Variants in PEX5L observed in about 807,000 individuals in gnomAD.
PEX5L encodes the protein PEX5-related protein.
PEX5L carries 30 observed loss-of-function variants against 84.0 expected under a neutral mutation model. The observed-to-expected ratio is 0.36, with a 90% CI of 0.27 to 0.48. The LOEUF is 0.48. Among genes scored for constraint, PEX5L ranks in the 20% least tolerant of loss-of-function variants. PEX5L has a pLI of 0.99. For synonymous variants in PEX5L, 270 were observed against 283.1 expected, an observed-to-expected ratio of 0.95 and a Z score of 0.46; for missense variants, 533 against 754.6, an observed-to-expected ratio of 0.71 and a Z score of 3.44.
chr3:179,819,794 T>C, intron 9 of PEX5L, 66 bp downstream of exon 9: 4 of 1,338,968 alleles, frequency 3.0e-6, no homozygotes, highest in Non-Finnish European at 4.3e-6. Flanking sequence ...TATTGACTAA[T>C]CTATAAAATA....
chr3:179,932,034 A>G (rs184330444), intron 2 of PEX5L, among the ~76,000 whole-genome samples: 1 of 152,322 alleles, frequency 6.6e-6, no homozygotes, highest in East Asian at 1.9e-4. Flanking sequence ...TGTTTATCCT[A>G]ATCTTATTTA....
rs1230744236 is a variant in PEX5L at position 179,795,040 on chromosome 3, A to G, written c.*6788T>C. The stretch of plus-strand genomic sequence containing the variant: ...ATATTTTAGTCTTAAAAAATTAACA[A>G]AGGAGGAAGATTTTTAAAGTTTTGT... On this transcript the variant is annotated 3_prime_UTR_variant, in exon 15 of 15. Transcript: ENST00000467460. The G allele has an allele frequency of 6.6e-6, 1 of 152,208 alleles. No individual in the cohort carries two copies. Among genetic ancestry groups the G allele is most frequent in the Non-Finnish European group, 1.5e-5 (1 of 68,020 alleles). The allele number at this position is 152,208 out of a possible 1,614,324, so 9.4% of individuals were successfully genotyped here.
At chr3:179,926,544 T>C (rs1180633588) in intron 2 of PEX5L, among the ~76,000 whole-genome samples, 2 of 152,212 alleles carry the variant, frequency 1.3e-5, no homozygotes, top group African/African-American at 2.4e-5. Context: ...TCATCCAAAA[T>C]AGGCCCTCCT....
intron 1 of PEX5L, among the ~76,000 whole-genome samples, chr3:179,992,565 C>T (rs536448377): frequency 6.6e-6 from 1 of 151,944 alleles, no homozygotes; most frequent in East Asian, 1.9e-4. Context: ...AATTTTATGC[C>T]AGAGCTGGAG....
chr3:180,005,887 A>T (rs1057043584), intron 1 of PEX5L, among the ~76,000 whole-genome samples: 2 of 152,194 alleles, frequency 1.3e-5, no homozygotes, highest in African/African-American at 4.8e-5. Context: ...TTATTTCTCA[A>T]AAAGGTATGC....
At chr3:179,963,444 G>C (rs1232444560) in intron 2 of PEX5L, among the ~76,000 whole-genome samples, 1 of 152,058 alleles carries the variant, frequency 6.6e-6, no homozygotes, top group Non-Finnish European at 1.5e-5. Context: ...ATAACTTAAT[G>C]TCCATTAATT....
chr3:179,813,903 C>G (rs1724981859), intron 10 of PEX5L, among the ~76,000 whole-genome samples: 1 of 151,390 alleles, frequency 6.6e-6, no homozygotes, highest in Non-Finnish European at 1.5e-5. Context: ...GTCTCGATCT[C>G]CTGACCTCAT....
chr3:179,795,246 A>C lies in PEX5L; in HGVS notation c.*6582T>G, dbSNP rs1716471326. 1 of 147,438 alleles carries C rather than the reference A, an allele frequency of 6.8e-6. No individual in the cohort carries two copies. The highest frequency in any genetic ancestry group is 2.6e-5 in the African/African-American group (1 of 38,054). The allele number at this position is 147,438 out of a possible 1,614,324, so 9.1% of individuals were successfully genotyped here. ...ATTCCTGAAAAGACCTCGAAGCCGCAGACAAAGTTTATTTGAAAACATAGT... is the reference window on the plus strand; with the variant it reads ...ATTCCTGAAAAGACCTCGAAGCCGCCGACAAAGTTTATTTGAAAACATAGT... On this transcript the variant is annotated 3_prime_UTR_variant, in exon 15 of 15. Coordinates refer to ENST00000467460, the MANE Select transcript of PEX5L (RefSeq NM_016559.3).
Position 179,803,683 on chromosome 3 carries a change from T to C in PEX5L, c.1677-1651A>G, listed in dbSNP as rs370357537. On this transcript the variant is annotated intron_variant, in intron 14 of 14. Transcript: ENST00000467460. Reference sequence around the variant, plus strand: ...TCTCAAAAACTTTTCATACCCTTGATCTCATTTAATCCTGCAAGGTAGGTA... The same window carrying C: ...TCTCAAAAACTTTTCATACCCTTGACCTCATTTAATCCTGCAAGGTAGGTA... Among the ~76,000 whole-genome samples, 61 of 152,366 alleles carry C rather than the reference T, an allele frequency of 4.0e-4. 1 individual carries two copies. The highest frequency in any genetic ancestry group is 1.4e-3 in the African/African-American group (59 of 41,588).
rs1046656707 is a variant in PEX5L at position 179,847,299 on chromosome 3, G to T, written c.822+11763C>A. Among the ~76,000 whole-genome samples the T allele has an allele frequency of 5.3e-5, 8 of 151,908 alleles. No homozygotes were observed. The East Asian group carries it at 1.2e-3, about 22-fold the overall frequency. ...ATATATAGATATCTGTATATTGATT[G>T]ATATACAGATATTGGTATACAGCTA... On this transcript the variant is annotated intron_variant, in intron 8 of 14. Transcript: ENST00000467460.
chr3:179,896,144 CA>C (rs1759192586), intron 3 of PEX5L: 1 of 152,216 alleles, frequency 6.6e-6, no homozygotes, highest in Admixed American at 6.5e-5. Context: ...GCCACTGGTG[CA>C]TAGCAGGGAA....
intron 1 of PEX5L, chr3:179,974,105 TCTCCTCC>T: frequency 1.0e-6 from 1 of 985,530 alleles, no homozygotes; most frequent in African/African-American, 1.7e-5. Context: ...GATCTTCAGC[TCTCCTCC>T]CTCCTCCCAG....
chr3:179,933,839 G>T (rs1164363887), intron 2 of PEX5L, among the ~76,000 whole-genome samples: 2 of 152,336 alleles, frequency 1.3e-5, no homozygotes, highest in African/African-American at 4.8e-5. Flanking sequence ...CCCCAAATTT[G>T]CTTGTAGGTG....
chr3:179,875,316 T>A, intron 6 of PEX5L, 38 bp downstream of exon 6: 1 of 1,608,112 alleles, frequency 6.2e-7, no homozygotes. Flanking sequence ...ATAAAGTTGA[T>A]ACATAAATGG....
At chr3:179,844,817 G>A (rs555870783) in intron 8 of PEX5L, among the ~76,000 whole-genome samples, 33 of 152,136 alleles carry the variant, frequency 2.2e-4, no homozygotes, top group South Asian at 6.2e-4. Context: ...GCGACAGAGC[G>A]AGACTCCATC....
chr3:179,926,126 A>G (rs1771373704), intron 2 of PEX5L, among the ~76,000 whole-genome samples: 1 of 152,096 alleles, frequency 6.6e-6, no homozygotes, highest in African/African-American at 2.4e-5. Context: ...TATCCAATCC[A>G]TCAGCAGAGT....
At chr3:179,884,888 G>A (rs1025264386) in intron 4 of PEX5L, among the ~76,000 whole-genome samples, 16 of 152,080 alleles carry the variant, frequency 1.1e-4, no homozygotes, top group Non-Finnish European at 2.2e-4. Context: ...GAACTTCTAT[G>A]AGGCAAAAGA....
intron 2 of PEX5L, among the ~76,000 whole-genome samples, chr3:179,915,543 T>C (rs1430831991): frequency 6.6e-6 from 1 of 152,196 alleles, no homozygotes; most frequent in Non-Finnish European, 1.5e-5. Flanking sequence ...CTGGAAAAAG[T>C]TGAAAATTGC....
Position 179,819,883 on chromosome 3 carries a change from C to G in PEX5L, c.916G>C (p.Val306Leu), listed in dbSNP as rs146230186. ...ISENQEAQNQ[V>L]TISASEKGYY... ...ACCTTCTCACTAGCCGAGATGGTTA[C>G]TTGGTTCTGGGCTTCTTGGTTCTCA... Residue 306 changes from valine to leucine, a missense_variant, in exon 9 of 15, where the codon GTA (valine) becomes CTA (leucine). Val to Leu is a conservative substitution (Grantham distance 32). Around this residue, in one of 8 missense-constraint regions of PEX5L, gnomAD observed 58 missense variants for 56.4 expected, o/e 1.03. Transcript: ENST00000467460. 140 of 1,614,094 alleles carry G rather than the reference C, an allele frequency of 8.7e-5. No homozygotes were observed. The African/African-American group carries it at 1.7e-3, about 19-fold the overall frequency.
Sources: gnomAD v4.1 joint callset for allele counts (sites outside exome capture counted in the v4.1 genomes callset) on GRCh38, gnomAD v4.1.1 for gene constraint, gnomAD v4.1.1 regional missense constraint, MANE v1.5 for transcripts, NCBI Gene and HGNC (gene_info 2026-07-23, HGNC 2026-07-21) for gene names.